Variants in CFAP119 observed in about 807,000 individuals in gnomAD.
The protein encoded by CFAP119 is cilia and flagella associated protein 119, also known as cilia- and flagella-associated protein 119.
chr16:30,759,338 C>G, the CFAP119 span: 1 of 1,613,488 alleles, frequency 6.2e-7, no homozygotes, highest in Non-Finnish European at 8.5e-7. Context: ...CCACCACCCC[C>G]TACCTGGGGT....
the CFAP119 span, chr16:30,759,861 A>G: frequency 8.2e-6 from 12 of 1,459,450 alleles, no homozygotes; most frequent in South Asian, 1.8e-4. Context: ...TCCTTAACTC[A>G]TGTAACAAAT....
At chr16:30,757,734 A>G in the CFAP119 span, 1 of 1,505,230 alleles carries the variant, frequency 6.6e-7, no homozygotes, top group Non-Finnish European at 8.8e-7. Flanking sequence ...TTGGGCAAAC[A>G]GTCCCCAAAT....
chr16:30,759,309 G>C, the CFAP119 span: 1 of 1,612,724 alleles, frequency 6.2e-7, no homozygotes, highest in Non-Finnish European at 8.5e-7. Flanking sequence ...AGGGGCGGTT[G>C]AGGGTGGCTC....
chr16:30,759,039 TCTCTAGTTC>T, the CFAP119 span: 2 of 1,614,208 alleles, frequency 1.2e-6, no homozygotes, highest in African/African-American at 2.7e-5. Context: ...GGGGCCACTG[TCTCTAGTTC>T]CTCTTTCTGC....
the CFAP119 span, chr16:30,757,634 C>T: frequency 6.2e-7 from 1 of 1,613,386 alleles, no homozygotes; most frequent in Admixed American, 1.7e-5. Flanking sequence ...TTGATGTAGG[C>T]TCGGAGGACG....
chr16:30,761,323 C>G, the CFAP119 span: 4 of 1,568,890 alleles, frequency 2.5e-6, no homozygotes, highest in Non-Finnish European at 3.5e-6. Context: ...AACTTGCCAT[C>G]TCATCTCAAG....
chr16:30,757,477 C>T, the CFAP119 span: 1 of 1,612,338 alleles, frequency 6.2e-7, no homozygotes, highest in Non-Finnish European at 8.5e-7. Context: ...TGTTGGGGGT[C>T]ACTTGGTCTT....
chr16:30,760,248 C>A, the CFAP119 span: 3 of 1,613,958 alleles, frequency 1.9e-6, no homozygotes, highest in South Asian at 1.1e-5. Context: ...TTCCTCTTCT[C>A]CCTGGGGCTC....
At chr16:30,762,052 G>A in the CFAP119 span, 2 of 460,436 alleles carry the variant, frequency 4.3e-6, no homozygotes, top group Non-Finnish European at 7.7e-6. Context: ...TCTCTTCCAG[G>A]TTGCTAATAC....
chr16:30,759,302 G>A, the CFAP119 span: 1 of 1,612,754 alleles, frequency 6.2e-7, no homozygotes, highest in Middle Eastern at 1.7e-4. Flanking sequence ...TGAGGGGAGG[G>A]GCGGTTGAGG....
At chr16:30,758,859 CT>C in the CFAP119 span, 1 of 1,338,940 alleles carries the variant, frequency 7.5e-7, no homozygotes, top group Non-Finnish European at 1.0e-6. Context: ...TGCAGCTGTG[CT>C]TTTATCTGTC....
At chr16:30,760,469 G>A in the CFAP119 span, 1 of 1,613,346 alleles carries the variant, frequency 6.2e-7, no homozygotes, top group African/African-American at 1.3e-5. Flanking sequence ...GAGGGAGAGA[G>A]GAGTGAGTGA....
the CFAP119 span, chr16:30,760,286 A>G: frequency 5.6e-6 from 9 of 1,614,106 alleles, no homozygotes; most frequent in Non-Finnish European, 7.6e-6. Context: ...CCTCTCACCA[A>G]TACAAGCCTT....
chr16:30,759,518 CA>C, the CFAP119 span: 4 of 1,614,128 alleles, frequency 2.5e-6, no homozygotes, highest in Non-Finnish European at 3.4e-6. Flanking sequence ...GCTTTGCCTC[CA>C]AAAGCCCAGC....
the CFAP119 span, chr16:30,760,240 C>A: frequency 6.2e-7 from 1 of 1,613,820 alleles, no homozygotes. Flanking sequence ...AGGCCCGGTT[C>A]CTCTTCTCCC....
chr16:30,758,744 G>C, the CFAP119 span: 1 of 489,982 alleles, frequency 2.0e-6, no homozygotes, highest in Non-Finnish European at 3.6e-6. Flanking sequence ...TAGTAGATAG[G>C]GGGTTTCACG....
the CFAP119 span, chr16:30,760,959 A>C: frequency 4.9e-6 from 3 of 612,790 alleles, no homozygotes; most frequent in Admixed American, 2.9e-5. Flanking sequence ...CCCTCTGTAC[A>C]ATACTCCTTA....
chr16:30,757,728 G>A, the CFAP119 span: 2 of 1,510,892 alleles, frequency 1.3e-6, no homozygotes, highest in Admixed American at 4.5e-5. Flanking sequence ...CCCTAGTTGG[G>A]CAAACAGTCC....
chr16:30,760,645 A>G, the CFAP119 span: 1 of 1,555,112 alleles, frequency 6.4e-7, no homozygotes, highest in South Asian at 1.2e-5. Context: ...CAGCTGGTGC[A>G]TGGAATGGAC....
Sources: allele counts gnomAD v4.1 joint callset, GRCh38; gene constraint gnomAD v4.1.1; transcripts MANE v1.5; gene names NCBI Gene and HGNC (gene_info 2026-07-23, HGNC 2026-07-21).